TTN: variants seen among roughly 807,000 people sequenced by gnomAD.
TTN encodes titin.
Under a neutral mutation model 3,223.0 loss-of-function variants are expected in TTN, and 1,525 were observed. The ratio of observed to expected loss-of-function variants is 0.47; its 90% CI spans 0.45 to 0.49. The LOEUF (loss-of-function observed/expected upper bound fraction) is 0.49, where lower values mean the gene tolerates loss of function less well. Ranked by LOEUF, TTN falls within the 20% of genes least tolerant of loss-of-function variation. The pLI, the probability that TTN is intolerant of heterozygous loss-of-function variation, is 0.00. For synonymous variants in TTN, 14,094 were observed against 15,161.0 expected (o/e 0.93, Z 5.17); for missense variants, 40,786 against 43,424.0 (o/e 0.94, Z 5.40).
rs1368221848 is a variant in TTN, at chr2:178,776,853, C to G, written c.5011G>C (p.Glu1671Gln). 1.9e-6 allele frequency: 3 copies of G among 1,613,998 alleles called. No homozygotes were observed. The highest frequency in any genetic ancestry group is 1.7e-6 in the Non-Finnish European group (2 of 1,179,984). ...IIPRGTYRAK[E>Q]IAAPELEPLH... is the part of the protein sequence containing the mutation. Reference sequence around the variant, plus strand: ...GGCTCCAGTTCTGGGGCTGCAATCTCCTTTGCTCTATATGTCCCCCGTGGG... The same window carrying G: ...GGCTCCAGTTCTGGGGCTGCAATCTGCTTTGCTCTATATGTCCCCCGTGGG... Residue 1671 changes from glutamate to glutamine, a missense_variant, in exon 28 of 363, where the codon GAG (glutamate) becomes CAG (glutamine). Transcript: ENST00000589042.
chr2:178,571,163 C>A lies in TTN; in HGVS notation c.74969G>T (p.Gly24990Val), dbSNP rs794729247. The A allele has an allele frequency of 1.2e-6, 2 of 1,613,462 alleles. No individual in the cohort carries two copies. Among genetic ancestry groups the A allele is most frequent in the South Asian group, 2.2e-5 (2 of 91,074 alleles). The change falls in exon 326 of 363, where the codon GGC becomes GTC. Residue 24990 changes from glycine to valine, a missense_variant. Coordinates refer to ENST00000589042, the MANE Select transcript of TTN (RefSeq NM_001267550.2). ...TGATACTTTACTCGGCTTGCCAATG[C>A]CCACGATGTTCTCTGCAGAGACTCT... is the stretch of plus-strand genomic sequence containing the variant. ...EFRVSAENIVGIGKPSKVSEC... is the reference protein window; with the variant it reads ...EFRVSAENIVVIGKPSKVSEC...
chr2:178,758,663 A>C, intron 44 of TTN: 1 of 342,440 alleles, frequency 2.9e-6, no homozygotes, highest in Non-Finnish European at 5.5e-6. Flanking sequence ...TGAGAAAACA[A>C]ATCTACCTAT....
In TTN at chr2:178,709,610, T is replaced by C. The variant is rs727503641; in HGVS notation, c.28709A>G (p.Asn9570Ser). The C allele has an allele frequency of 1.3e-5, 21 of 1,613,760 alleles. No individual in the cohort carries two copies. Among genetic ancestry groups the C allele is most frequent in the South Asian group, 5.5e-5 (5 of 91,090 alleles). ...DAGLYTCKVS[N>S]DAGSALCTSS... is the part of the protein sequence containing the mutation. ...CGTGCACAGAGCAGAGCCTGCATCATTGGACACTTTGCATGTGTACAAACC... is the reference window on the plus strand; with the variant it reads ...CGTGCACAGAGCAGAGCCTGCATCACTGGACACTTTGCATGTGTACAAACC... Residue 9570 changes from asparagine to serine, a missense_variant, in exon 99 of 363, where the codon AAT (asparagine) becomes AGT (serine). Physicochemically the swap from Asn to Ser is conservative, Grantham distance 46. Coordinates refer to ENST00000589042, the MANE Select transcript of TTN (RefSeq NM_001267550.2).
chr2:178,575,596 C>G lies in TTN; in HGVS notation c.70536G>C (p.Glu23512Asp). Residue 23512 changes from glutamate (E) to aspartate (D), a missense_variant, in exon 326 of 363, where the codon GAG becomes GAC. Physicochemically the swap from Glu to Asp is conservative, Grantham distance 45 (BLOSUM62 2). Coordinates refer to ENST00000589042, the MANE Select transcript of TTN (RefSeq NM_001267550.2). This position sits in a 1 kb window ranked among gnomAD's most constrained non-coding sequence, Gnocchi z 4.0. ...TTGGCTCACCAATTCCATATTCATT[C>G]TCTGCCATCACTCTGAAGAAATATT... ...GCEYFFRVMA[E>D]NEYGIGEPTE... 6.2e-7 allele frequency: 1 copy of G among 1,613,650 alleles called. No individual in the cohort carries two copies. The highest frequency in any genetic ancestry group is 1.1e-5 in the South Asian group (1 of 91,072).
chr2:178,598,508 T>C lies in TTN; in HGVS notation c.57109A>G (p.Lys19037Glu), dbSNP rs1400944262. 6.2e-7 allele frequency: 1 copy of C among 1,605,334 alleles called. No homozygotes were observed. Among genetic ancestry groups the C allele is most frequent in the African/African-American group, 1.3e-5 (1 of 74,320 alleles). Residue 19037 changes from lysine (K) to glutamate (E), a missense_variant and splice_region_variant, in exon 292 of 363, where the codon AAG (lysine) becomes GAG (glutamate). By Grantham distance (56) the Lys-to-Glu change is moderately conservative. Coordinates refer to ENST00000589042, the MANE Select transcript of TTN (RefSeq NM_001267550.2). ...YKEEGKEEWE[K>E]GKDKEVRGTK... is the part of the protein sequence containing the mutation. ...TCCTTAGTGCCAAGTTTTCCTACCT[T>C]TTCCCATTCTTCTTTTCCTTCTTCT...
At position 178,702,616 on chromosome 2, in the gene TTN, C is replaced by T. The variant is rs2075203983; in HGVS notation, c.30271G>A (p.Glu10091Lys). ...TKRIQNIVVS[E>K]HQSATFECEV... is the part of the protein sequence containing the mutation. Reference sequence around the variant, plus strand: ...CACTCAAAGGTGGCAGACTGATGCTCACTCACCACGATGTTCTGTATGCGC... The same window carrying T: ...CACTCAAAGGTGGCAGACTGATGCTTACTCACCACGATGTTCTGTATGCGC... Residue 10091 changes from glutamate to lysine, a missense_variant, in exon 107 of 363, where the codon GAG (glutamate) becomes AAG (lysine). Transcript: ENST00000589042. 1 of 1,614,024 alleles carries T rather than the reference C, an allele frequency of 6.2e-7. No homozygotes were observed. The highest frequency in any genetic ancestry group is 8.5e-7 in the Non-Finnish European group (1 of 1,179,880).
At position 178,608,605 on chromosome 2, in the gene TTN, C is replaced by CCA; in HGVS notation, c.52404_52405dup (p.Gly17469ValfsTer21). The CCA allele has an allele frequency of 1.2e-6, 2 of 1,608,594 alleles. No homozygotes were observed. The highest frequency in any genetic ancestry group is 1.7e-6 in the Non-Finnish European group (2 of 1,177,766). On this transcript the variant is annotated frameshift_variant and splice_region_variant. Transcript: ENST00000589042. LOFTEE classifies it high-confidence loss of function. ...AACTTTAGATGCCAAAGGAAACTTACCAAATGGATCTTTAGCCACAAGTGG... is the reference window on the plus strand; with the variant it reads ...AACTTTAGATGCCAAAGGAAACTTACCACAAATGGATCTTTAGCCACAAGTGG...
Position 178,528,378 on chromosome 2 carries a change from G to A in TTN, c.107273C>T (p.Ser35758Phe). ...VSISRSRNVY[S>F]LEIRNASVSD... ...GACTGATGCATTTCGGATTTCAAGG[G>A]AGTATACATTTCTGGAGCGGCTTAT... The change falls in exon 361 of 363, where the codon TCC becomes TTC. Residue 35758 changes from serine to phenylalanine, a missense_variant. By Grantham distance (155) the Ser-to-Phe change is radical. Coordinates refer to ENST00000589042, the MANE Select transcript of TTN (RefSeq NM_001267550.2). 6.2e-7 allele frequency: 1 copy of A among 1,613,936 alleles called. No individual in the cohort carries two copies. Among genetic ancestry groups the A allele is most frequent in the Non-Finnish European group, 8.5e-7 (1 of 1,179,860 alleles).
chr2:178,782,622 T>C lies in TTN; in HGVS notation c.3101-20A>G. 6.2e-7 allele frequency: 1 copy of C among 1,613,398 alleles called. No homozygotes were observed. The highest frequency in any genetic ancestry group is 2.2e-5 in the East Asian group (1 of 44,830). ...CTGACACTAAAAGAAGACAAAAGTT[T>C]CTCATTGAGATGAGATGTTTAGTGA... On this transcript the variant is annotated intron_variant, in intron 18 of 362. Coordinates refer to ENST00000589042, the MANE Select transcript of TTN (RefSeq NM_001267550.2).
At position 178,689,674 on chromosome 2, in the gene TTN, G is replaced by A. The variant is rs771836135; in HGVS notation, c.31847-79C>T. On this transcript the variant is annotated intron_variant, in intron 122 of 362. Coordinates refer to ENST00000589042, the MANE Select transcript of TTN (RefSeq NM_001267550.2). Reference sequence around the variant, plus strand: ...AGTTATTTTTTTTAAGAAAGCAGACGGGTGGACAGACACTTTTGTTCAGTT... The same window carrying A: ...AGTTATTTTTTTTAAGAAAGCAGACAGGTGGACAGACACTTTTGTTCAGTT... 8.9e-6 allele frequency: 13 copies of A among 1,452,584 alleles called. No individual in the cohort carries two copies. The East Asian group carries it at 9.1e-5, about 10-fold the overall frequency. The allele number at this position is 1,452,584 out of a possible 1,614,324, so 90.0% of individuals were successfully genotyped here. A position where few individuals can be genotyped will look rare whatever the true frequency, so the allele number is the denominator to read the frequency against.
Position 178,613,913 on chromosome 2 carries a change from A to G in TTN, c.49370T>C (p.Leu16457Pro). 1 of 1,608,804 alleles carries G rather than the reference A, an allele frequency of 6.2e-7. No individual in the cohort carries two copies. The highest frequency in any genetic ancestry group is 1.7e-4 in the Middle Eastern group (1 of 6,020). Residue 16457 changes from leucine to proline, a missense_variant, in exon 263 of 363, where the codon CTA becomes CCA. Coordinates refer to ENST00000589042, the MANE Select transcript of TTN (RefSeq NM_001267550.2). ...QFDPPGPPTRLEPSDITKDAV... is the reference protein window; with the variant it reads ...QFDPPGPPTRPEPSDITKDAV... Reference sequence around the variant, plus strand: ...GTCTTTAGTGATATCAGAAGGTTCTAGGCGAGTTGGAGGACCAGGTGGATC... The same window carrying G: ...GTCTTTAGTGATATCAGAAGGTTCTGGGCGAGTTGGAGGACCAGGTGGATC...
chr2:178,565,231 A>T lies in TTN; in HGVS notation c.80901T>A (p.Val26967=). 1 of 1,613,572 alleles carries T rather than the reference A, an allele frequency of 6.2e-7. No homozygotes were observed. The highest frequency in any genetic ancestry group is 8.5e-7 in the Non-Finnish European group (1 of 1,179,694). The change falls in exon 326 of 363, where the codon GTT becomes GTA. Residue 26967 remains valine, a synonymous_variant. Coordinates refer to ENST00000589042, the MANE Select transcript of TTN (RefSeq NM_001267550.2). ...GAGGTCCAGGCTTTTCTAAAACGATAACACTGAGATTTTCTGTTGCTGTGC... is the reference window on the plus strand; with the variant it reads ...GAGGTCCAGGCTTTTCTAAAACGATTACACTGAGATTTTCTGTTGCTGTGC... The part of the protein sequence containing the change: ...SAGTATENLS[V]IVLEKPGPPV...
chr2:178,672,775 C>A, intron 152 of TTN, 72 bp from the exon 153 acceptor site: 9 of 1,241,686 alleles, frequency 7.2e-6, no homozygotes, highest in Non-Finnish European at 1.0e-5. Context: ...ACACCAGAGA[C>A]AACGCCAACA....
chr2:178,734,255 A>G (rs2081048449), intron 52 of TTN, 73 bp downstream of exon 52: 1 of 1,459,392 alleles, frequency 6.9e-7, no homozygotes, highest in Admixed American at 2.4e-5. Context: ...AGAAAGTACC[A>G]GTTTTTCTTC....
At position 178,593,873 on chromosome 2, in the gene TTN, G is replaced by GAA. The variant is rs758370659; in HGVS notation, c.58433-8_58433-7dup. On this transcript the variant is annotated splice_region_variant and splice_polypyrimidine_tract_variant and intron_variant, in intron 297 of 362. Transcript: ENST00000589042. ...TACTGGTGGTCCAGGACGGTCTGCA[G>GAA]AAAAAAAAAATCATGGCACAAAATG... 3 of 1,504,246 alleles carry GAA rather than the reference G, an allele frequency of 2.0e-6. No homozygotes were observed. Among genetic ancestry groups the GAA allele is most frequent in the South Asian group, 2.4e-5 (2 of 82,230 alleles). 93.2% of individuals were successfully genotyped at this position (1,504,246 alleles called of 1,614,324 possible).
rs1436289243 is a variant in TTN, at chr2:178,647,429, C to T, written c.40093G>A (p.Glu13365Lys). 6.5e-7 allele frequency: 1 copy of T among 1,549,578 alleles called. No homozygotes were observed. Among genetic ancestry groups the T allele is most frequent in the Non-Finnish European group, 8.7e-7 (1 of 1,146,438 alleles). Residue 13365 changes from glutamate to lysine, a missense_variant, in exon 214 of 363, where the codon GAA (glutamate) becomes AAA (lysine). Transcript: ENST00000589042. Reference protein sequence around the residue: ...KVPEKIIPEKEVSVPIPAEPE... With the variant: ...KVPEKIIPEKKVSVPIPAEPE... ...TCTGCAGGGATAGGCACAGACACTT[C>T]CTTTTCTGGGATGATTTTCTCAGGC...
In TTN at chr2:178,584,814, C is replaced by T. The variant is rs377420188; in HGVS notation, c.64827G>A (p.Thr21609=). The T allele has an allele frequency of 1.5e-5, 25 of 1,613,330 alleles. No homozygotes were observed. The highest frequency in any genetic ancestry group is 1.2e-4 in the South Asian group (11 of 91,070). ...AAGTTTTTGTGACTGAAGCTAGAGC[C>T]GTGACCCAGTCACCTCGGCTTACAT... is the stretch of plus-strand genomic sequence containing the variant. ...KCDVSRGDWV[T]ALASVTKTSC... is the part of the protein sequence containing the mutation. Residue 21609 remains threonine (T), a synonymous_variant, in exon 310 of 363, where the codon ACG becomes ACA. Coordinates refer to ENST00000589042, the MANE Select transcript of TTN (RefSeq NM_001267550.2).
In TTN at chr2:178,598,741, G is replaced by C; in HGVS notation, c.56962+7C>G. On this transcript the variant is annotated splice_region_variant and intron_variant, in intron 291 of 362. Transcript: ENST00000589042. ...ATTTAAAAAAAAGGAATGGTTTCCAGGCTTACCAATTGGATCTCTAGCAGT... is the reference window on the plus strand; with the variant it reads ...ATTTAAAAAAAAGGAATGGTTTCCACGCTTACCAATTGGATCTCTAGCAGT... 1 of 1,610,802 alleles carries C rather than the reference G, an allele frequency of 6.2e-7. No homozygotes were observed.
chr2:178,532,006 T>A lies in TTN; in HGVS notation c.104609A>T (p.Asp34870Val). 6.2e-7 allele frequency: 1 copy of A among 1,613,854 alleles called. No homozygotes were observed. The highest frequency in any genetic ancestry group is 8.5e-7 in the Non-Finnish European group (1 of 1,179,852). The change falls in exon 358 of 363, where the codon GAT becomes GTT. Residue 34870 changes from aspartate (D) to valine (V), a missense_variant. Physicochemically the swap from Asp to Val is radical, Grantham distance 152. Transcript: ENST00000589042. ...SRPQPAEEYE[D>V]DTERRSPTPE... ...AGTAGGTGACCTTCTTTCTGTGTCA[T>A]CTTCGTATTCCTCAGCCGGTTGTGG...
Sources: gnomAD v4.1 joint callset for allele counts on GRCh38, gnomAD v4.1.1 for gene constraint, Gnocchi (gnomAD v3.1) non-coding constraint, MANE v1.5 for transcripts, NCBI Gene and HGNC (gene_info 2026-07-23, HGNC 2026-07-21) for gene names.